TNFRSF11A: variants seen among roughly 807,000 people sequenced by gnomAD.
TNFRSF11A encodes the protein TNF receptor superfamily member 11a.
Under a neutral mutation model 55.7 loss-of-function variants are expected in TNFRSF11A, and 32 were observed. That is an observed-to-expected ratio of 0.57 (90% CI 0.43 to 0.77). TNFRSF11A has a LOEUF of 0.77. Ranked by LOEUF, TNFRSF11A falls within the 30% of genes least tolerant of loss-of-function variation. TNFRSF11A has a pLI of 0.00. For missense variants in TNFRSF11A, 753 were observed against 809.8 expected, an observed-to-expected ratio of 0.93 and a Z score of 0.85; for synonymous variants, 311 against 331.0, an observed-to-expected ratio of 0.94 and a Z score of 0.65.
intron 9 of TNFRSF11A, among the ~76,000 whole-genome samples, chr18:62,380,597 C>G (rs1162881486): frequency 6.6e-6 from 1 of 151,748 alleles, no homozygotes; most frequent in African/African-American, 2.4e-5. Context: ...CCACCACACC[C>G]AGCTAATTTT....
chr18:62,328,271 G>A (rs1256571081), intron 1 of TNFRSF11A, among the ~76,000 whole-genome samples: 1 of 152,124 alleles, frequency 6.6e-6, no homozygotes, highest in Non-Finnish European at 1.5e-5. Flanking sequence ...TAAGGACTTC[G>A]GGATGAAGGG....
chr18:62,387,256 A>G lies in TNFRSF11A; in HGVS notation c.*2222A>G, dbSNP rs1271435189. The G allele has an allele frequency of 6.6e-6, 1 of 152,198 alleles. No homozygotes were observed. The highest frequency in any genetic ancestry group is 1.5e-5 in the Non-Finnish European group (1 of 68,038). 9.4% of individuals were successfully genotyped at this position (152,198 alleles called of 1,614,324 possible). A position where few individuals can be genotyped will look rare whatever the true frequency, so the allele number is the denominator to read the frequency against. On this transcript the variant is annotated 3_prime_UTR_variant, in exon 10 of 10. Coordinates refer to ENST00000586569, the MANE Select transcript of TNFRSF11A (RefSeq NM_003839.4). ...TCCCTACTAATTCTATATTGATCCA[A>G]AGGCAACTCAATGCTAAAAAATGTA...
Position 62,325,617 on chromosome 18 carries a change from G to T in TNFRSF11A, c.75+190G>T, listed in dbSNP as rs879411482. 2.0e-5 allele frequency among the ~76,000 whole-genome samples: 3 copies of T among 152,114 alleles called. No individual in the cohort carries two copies. The highest frequency in any genetic ancestry group is 2.0e-4 in the Admixed American group (3 of 15,288). On this transcript the variant is annotated intron_variant, in intron 1 of 9. Coordinates refer to ENST00000586569, the MANE Select transcript of TNFRSF11A (RefSeq NM_003839.4). This position sits in a 1 kb window ranked among gnomAD's most constrained non-coding sequence, Gnocchi z 4.7. ...CGGCGGAGGGCGGGAAAGGGCAAGC[G>T]GAGGGAAACTGGGGCGCAGAAGGAG... is the stretch of plus-strand genomic sequence containing the variant.
At chr18:62,345,750 T>G (rs953153692) in intron 1 of TNFRSF11A, among the ~76,000 whole-genome samples, 4 of 151,760 alleles carry the variant, frequency 2.6e-5, no homozygotes, top group Admixed American at 1.3e-4. Flanking sequence ...TGGGCAGGGG[T>G]GGGAGGGCAA....
rs770941917 is a variant in TNFRSF11A at position 62,359,945 on chromosome 18, T to A, written c.522-10T>A. 6.2e-7 allele frequency: 1 copy of A among 1,612,640 alleles called. No homozygotes were observed. The highest frequency in any genetic ancestry group is 1.7e-5 in the Admixed American group (1 of 59,986). On this transcript the variant is annotated splice_polypyrimidine_tract_variant and intron_variant, in intron 5 of 9. Coordinates refer to ENST00000586569, the MANE Select transcript of TNFRSF11A (RefSeq NM_003839.4). ...AAAACCAAAGCACTGAACCACCTTT[T>A]CCCCCACAGCTGTACCTTCCTTGGA...
chr18:62,328,529 G>C lies in TNFRSF11A; in HGVS notation c.75+3102G>C, dbSNP rs1171396592. On this transcript the variant is annotated intron_variant, in intron 1 of 9. Coordinates refer to ENST00000586569, the MANE Select transcript of TNFRSF11A (RefSeq NM_003839.4). ...GGGCATTGAACTTTTATAGTTTTGA[G>C]GTAACTCTTGGATGGCCCTTACTGA... Among the ~76,000 whole-genome samples, 3 of 152,310 alleles carry C rather than the reference G, an allele frequency of 2.0e-5. No individual in the cohort carries two copies. In the Middle Eastern group the frequency reaches 0.01, roughly 518 times the overall value.
intron 9 of TNFRSF11A, among the ~76,000 whole-genome samples, chr18:62,381,842 A>G (rs1911309634): frequency 6.6e-6 from 1 of 152,026 alleles, no homozygotes; most frequent in Non-Finnish European, 1.5e-5. Context: ...TGTACTTTTT[A>G]GTTTTCACTT....
intron 9 of TNFRSF11A, among the ~76,000 whole-genome samples, chr18:62,379,567 G>A (rs1911123727): frequency 6.6e-6 from 1 of 152,206 alleles, no homozygotes; most frequent in African/African-American, 2.4e-5. Context: ...AAGTTGAGGT[G>A]AATGACACAA....
chr18:62,345,858 G>A (rs916753287), intron 1 of TNFRSF11A, among the ~76,000 whole-genome samples: 1 of 152,176 alleles, frequency 6.6e-6, no homozygotes, highest in Non-Finnish European at 1.5e-5. Context: ...AGGACAGCTG[G>A]TCATTTCTGG....
chr18:62,342,041 G>A (rs541654214), intron 1 of TNFRSF11A, among the ~76,000 whole-genome samples: 19 of 151,798 alleles, frequency 1.3e-4, no homozygotes, highest in African/African-American at 4.3e-4. Context: ...TGTCACCAGC[G>A]CTCAAGGTAC....
intron 7 of TNFRSF11A, among the ~76,000 whole-genome samples, chr18:62,362,951 C>A (rs1277853921): frequency 6.6e-6 from 1 of 152,128 alleles, no homozygotes; most frequent in African/African-American, 2.4e-5. Flanking sequence ...TCAAGTGATT[C>A]TCCTGCCTCA....
At chr18:62,381,591 G>T (rs373608231) in intron 9 of TNFRSF11A, among the ~76,000 whole-genome samples, 1 of 152,180 alleles carries the variant, frequency 6.6e-6, no homozygotes, top group East Asian at 1.9e-4. Context: ...CGATGATGTC[G>T]TAGTGAGAAC....
intron 9 of TNFRSF11A, among the ~76,000 whole-genome samples, chr18:62,373,438 G>A (rs1910689357): frequency 6.6e-6 from 1 of 151,480 alleles, no homozygotes; most frequent in South Asian, 2.1e-4. Context: ...GGGCGGCAGA[G>A]CAAGACTCTG....
intron 9 of TNFRSF11A, among the ~76,000 whole-genome samples, chr18:62,380,853 G>C (rs1253491306): frequency 6.6e-6 from 1 of 150,514 alleles, no homozygotes; most frequent in Non-Finnish European, 1.5e-5. Context: ...CCAGGCTGGA[G>C]TGCAGTGGCA....
At chr18:62,380,086 CA>C (rs1381486199) in intron 9 of TNFRSF11A, among the ~76,000 whole-genome samples, 1 of 152,130 alleles carries the variant, frequency 6.6e-6, no homozygotes, top group African/African-American at 2.4e-5. Flanking sequence ...TCCCCTTTTG[CA>C]AAAATTAATA....
At chr18:62,353,746 A>G (rs753520423) in intron 3 of TNFRSF11A, among the ~76,000 whole-genome samples, 7 of 152,130 alleles carry the variant, frequency 4.6e-5, no homozygotes, top group Admixed American at 2.6e-4. Context: ...ACAACAGATC[A>G]ATTCCCACGT....
Position 62,369,153 on chromosome 18 carries a change from T to G in TNFRSF11A, c.1236T>G (p.Asp412Glu). The part of the protein sequence containing the change: ...CNCTEPLCRT[D>E]WTPMSSENYL... ...GCACTGAGCCCCTGTGCAGGACTGA[T>G]TGGACTCCCATGTCCTCTGAAAACT... is the stretch of plus-strand genomic sequence containing the variant. The change falls in exon 9 of 10, where the codon GAT (aspartate) becomes GAG (glutamate). Residue 412 changes from aspartate (D) to glutamate (E), a missense_variant. Coordinates refer to ENST00000586569, the MANE Select transcript of TNFRSF11A (RefSeq NM_003839.4). The G allele has an allele frequency of 1.2e-6, 2 of 1,614,162 alleles. No homozygotes were observed. The highest frequency in any genetic ancestry group is 1.7e-6 in the Non-Finnish European group (2 of 1,180,048).
chr18:62,366,790 T>A, intron 8 of TNFRSF11A, 30 bp downstream of exon 8: 1 of 1,612,070 alleles, frequency 6.2e-7, no homozygotes, highest in Non-Finnish European at 8.5e-7. Context: ...GTGCCTCTGT[T>A]AAGTACATTC....
At chr18:62,346,128 G>A (rs1285686293) in intron 1 of TNFRSF11A, among the ~76,000 whole-genome samples, 5 of 152,228 alleles carry the variant, frequency 3.3e-5, no homozygotes, top group African/African-American at 1.2e-4. Context: ...AGAACACAAA[G>A]TATGTGCTCA....
Sources: allele counts gnomAD v4.1 joint callset (sites outside exome capture counted in the v4.1 genomes callset), GRCh38; gene constraint gnomAD v4.1.1; non-coding constraint Gnocchi (gnomAD v3.1); transcripts MANE v1.5; gene names NCBI Gene and HGNC (gene_info 2026-07-23, HGNC 2026-07-21).